CEP128: variants seen among roughly 807,000 people sequenced by gnomAD.
CEP128 encodes the protein centrosomal protein 128, also known as centrosomal protein 128kDa.
CEP128 carries 132 observed loss-of-function variants against 156.7 expected under a neutral mutation model. The observed-to-expected ratio is 0.84, with a 90% CI of 0.73 to 0.97. The LOEUF is 0.97. Among genes scored for constraint, CEP128 ranks in the 50% least tolerant of loss-of-function variants. The probability of loss-of-function intolerance (pLI) is 0.00; values close to 1 mark genes in which losing one functional copy is unlikely to be tolerated. For synonymous variants in CEP128, 469 were observed against 448.9 expected (o/e 1.04, Z -0.57); for missense variants, 1,252 against 1,281.9 (o/e 0.98, Z 0.36).
chr14:80,701,079 C>G (rs765963270), intron 19 of CEP128, among the ~76,000 whole-genome samples: 7 of 152,114 alleles, frequency 4.6e-5, no homozygotes, highest in Admixed American at 2.6e-4. Context: ...AAACTGAAGG[C>G]AGAGCAGGGG....
At chr14:80,880,343 G>C (rs113286504) in intron 8 of CEP128, among the ~76,000 whole-genome samples, 3 of 151,828 alleles carry the variant, frequency 2.0e-5, no homozygotes, top group African/African-American at 7.2e-5. Flanking sequence ...CATAATAAAA[G>C]CCATTTATGA....
At chr14:80,783,479 T>A (rs1240682212) in intron 15 of CEP128, among the ~76,000 whole-genome samples, 9 of 152,202 alleles carry the variant, frequency 5.9e-5, no homozygotes, top group African/African-American at 1.9e-4. Flanking sequence ...GGGTATTAAA[T>A]GATTAACACT....
intron 20 of CEP128, among the ~76,000 whole-genome samples, chr14:80,576,654 T>C (rs1449644115): frequency 2.3e-5 from 1 of 43,024 alleles, no homozygotes; most frequent in Non-Finnish European, 6.4e-5. Context: ...TGTGTGTGTG[T>C]CTGTGTCTGT....
At chr14:80,628,509 A>G (rs1468821925) in intron 19 of CEP128, among the ~76,000 whole-genome samples, 1 of 152,216 alleles carries the variant, frequency 6.6e-6, no homozygotes, top group Admixed American at 6.5e-5. Flanking sequence ...AATTCCCAAC[A>G]TAATACATAG....
chr14:80,515,017 C>G (rs1378762908), intron 23 of CEP128, among the ~76,000 whole-genome samples: 3 of 152,208 alleles, frequency 2.0e-5, no homozygotes, highest in African/African-American at 7.2e-5. Flanking sequence ...TGAATAAGAT[C>G]CATGAGAATT....
intron 21 of CEP128, among the ~76,000 whole-genome samples, chr14:80,554,335 C>T (rs1890338024): frequency 6.6e-6 from 1 of 152,114 alleles, no homozygotes; most frequent in Non-Finnish European, 1.5e-5. Context: ...AATTCCCTTA[C>T]TTACTCTTAT....
downstream of CEP128, among the ~76,000 whole-genome samples, chr14:80,489,317 T>C (rs1460864306): frequency 6.8e-6 from 1 of 146,866 alleles, no homozygotes; most frequent in Non-Finnish European, 1.5e-5. Context: ...TGTGGTCTAA[T>C]AGTGTAAGAC....
At chr14:80,602,587 C>A (rs1018380334) in intron 19 of CEP128, among the ~76,000 whole-genome samples, 4 of 152,044 alleles carry the variant, frequency 2.6e-5, no homozygotes, top group African/African-American at 9.7e-5. Flanking sequence ...CTGGCTAACA[C>A]CATGAAACTC....
chr14:80,727,970 A>C lies in CEP128; in HGVS notation c.2806+15105T>G, dbSNP rs181110947. Among the ~76,000 whole-genome samples the C allele has an allele frequency of 9.1e-4, 138 of 152,310 alleles. 2 individuals are homozygous for C. The Middle Eastern group carries it at 0.01, about 11-fold the overall frequency. On this transcript the variant is annotated intron_variant, in intron 19 of 24. Transcript: ENST00000555265. ...CAGGCAATTTCTAAAAAAACTTAAA[A>C]CTACCATTCAACACAGCAATCCCAT... is the stretch of plus-strand genomic sequence containing the variant.
intron 13 of CEP128, among the ~76,000 whole-genome samples, chr14:80,814,317 A>G (rs1357797412): frequency 6.6e-6 from 1 of 152,124 alleles, no homozygotes; most frequent in African/African-American, 2.4e-5. Context: ...TATGCCCCAT[A>G]TATCTCTTAT....
intron 2 of CEP128, among the ~76,000 whole-genome samples, chr14:80,952,971 C>A (rs1275954493): frequency 2.0e-5 from 3 of 152,026 alleles, no homozygotes; most frequent in Non-Finnish European, 4.4e-5. Flanking sequence ...CTTGAATAGC[C>A]CTAAATCTAT....
intron 18 of CEP128, among the ~76,000 whole-genome samples, chr14:80,749,844 T>C (rs1555398518): frequency 6.6e-6 from 1 of 152,248 alleles, no homozygotes; most frequent in Non-Finnish European, 1.5e-5. Context: ...GTGATCATTA[T>C]ACATTGCATG....
chr14:80,923,731 A>G (rs1885001924), intron 2 of CEP128, among the ~76,000 whole-genome samples: 1 of 152,176 alleles, frequency 6.6e-6, no homozygotes, highest in Admixed American at 6.5e-5. Flanking sequence ...TTAATCATTA[A>G]CAAAATTCAA....
At chr14:80,538,195 A>T (rs1889573024) in intron 21 of CEP128, among the ~76,000 whole-genome samples, 1 of 152,130 alleles carries the variant, frequency 6.6e-6, no homozygotes, top group Non-Finnish European at 1.5e-5. Context: ...CAACTCTAGT[A>T]ACTTCTAAAA....
chr14:80,894,685 C>A (rs749496725), intron 8 of CEP128: 2 of 385,870 alleles, frequency 5.2e-6, no homozygotes, highest in Non-Finnish European at 5.1e-6. Context: ...AAACTTAATA[C>A]CAAAAACACA....
chr14:80,895,584 C>A (rs544998247), intron 8 of CEP128, 134 bp downstream of exon 8: 6 of 513,074 alleles, frequency 1.2e-5, no homozygotes, highest in Non-Finnish European at 2.0e-5. Context: ...ATAAGAGCTA[C>A]AAGAACACAC....
intron 13 of CEP128, chr14:80,830,444 G>A (rs963556797): frequency 3.8e-5 from 14 of 372,392 alleles, no homozygotes; most frequent in Non-Finnish European, 5.8e-5. Flanking sequence ...ATACAGGGAG[G>A]ATTGATACAT....
At chr14:80,891,117 T>C (rs1410823776) in intron 8 of CEP128, among the ~76,000 whole-genome samples, 3 of 152,146 alleles carry the variant, frequency 2.0e-5, no homozygotes, top group Non-Finnish European at 4.4e-5. Context: ...TGTAAATTAG[T>C]GTAAGCACTA....
At chr14:80,587,244 G>A (rs534463524) in intron 19 of CEP128, among the ~76,000 whole-genome samples, 3 of 152,212 alleles carry the variant, frequency 2.0e-5, no homozygotes, top group Non-Finnish European at 4.4e-5. Flanking sequence ...TGGATATACC[G>A]CAATGAGTTA....
Sources: gnomAD v4.1 joint callset for allele counts (sites outside exome capture counted in the v4.1 genomes callset) on GRCh38, gnomAD v4.1.1 for gene constraint, MANE v1.5 for transcripts, NCBI Gene and HGNC (gene_info 2026-07-23, HGNC 2026-07-21) for gene names.